The following EPHA6 variants were observed in gnomAD, a reference collection of about 807,000 sequenced individuals.
EPHA6 encodes the protein ephrin type-A receptor 6.
In EPHA6, 50 loss-of-function variants were observed where a neutral mutation model predicts 112.0. That is an observed-to-expected ratio of 0.45 (90% CI 0.36 to 0.56). The LOEUF is 0.56. Among genes scored for constraint, EPHA6 ranks in the 20% least tolerant of loss-of-function variants. EPHA6 has a pLI of 0.00. For synonymous variants in EPHA6, 529 were observed against 490.7 expected (o/e 1.08, Z -1.03); for missense variants, 1,280 against 1,417.4 (o/e 0.90, Z 1.56).
chr3:97,595,902 C>CT (rs1198606431), intron 12 of EPHA6, among the ~76,000 whole-genome samples: 2,139 of 115,056 alleles, frequency 0.019, 89 homozygotes, highest in African/African-American at 0.023. Flanking sequence ...GACATATTCT[C>CT]TTTTTTTTTT....
intron 3 of EPHA6, among the ~76,000 whole-genome samples, chr3:97,187,737 GA>G (rs1180267205): frequency 3.4e-4 from 50 of 147,608 alleles, no homozygotes; most frequent in African/African-American, 1.2e-3. Context: ...AAGAAAGAAA[GA>G]AAGAAAGAGG....
intron 3 of EPHA6, among the ~76,000 whole-genome samples, chr3:97,032,897 A>T (rs777941394): frequency 6.6e-6 from 1 of 151,918 alleles, no homozygotes; most frequent in East Asian, 1.9e-4. Context: ...AGTATATGTC[A>T]TAGTCTTGTT....
chr3:97,448,660 C>T lies in EPHA6; in HGVS notation c.1824C>T (p.His608=). 6.2e-7 allele frequency: 1 copy of T among 1,613,560 alleles called. No individual in the cohort carries two copies. The highest frequency in any genetic ancestry group is 8.5e-7 in the Non-Finnish European group (1 of 1,179,604). The change falls in exon 7 of 18, where the codon CAC becomes CAT. Residue 608 remains histidine, a synonymous_variant. Transcript: ENST00000389672. ...GLKPATKYVF[H]IRVRTATGYS... is the part of the protein sequence containing the mutation. ...AGCCAGCCACCAAATATGTATTTCA[C>T]ATCCGAGTGAGAACTGCGACAGGAT... is the stretch of plus-strand genomic sequence containing the variant.
chr3:97,228,085 C>T (rs952897524), intron 4 of EPHA6, among the ~76,000 whole-genome samples: 1 of 152,024 alleles, frequency 6.6e-6, no homozygotes, highest in Non-Finnish European at 1.5e-5. Context: ...TAGTCGGGAT[C>T]CCAGTTTTAA....
intron 1 of EPHA6, among the ~76,000 whole-genome samples, chr3:96,853,861 A>G (rs1376521551): frequency 2.6e-5 from 4 of 151,866 alleles, no homozygotes; most frequent in African/African-American, 7.3e-5. Context: ...TGATGTTACT[A>G]TTTATTGTTT....
intron 5 of EPHA6, among the ~76,000 whole-genome samples, chr3:97,368,844 TTGG>T (rs1052861648): frequency 1.1e-4 from 17 of 152,186 alleles, no homozygotes; most frequent in Admixed American, 9.8e-4. Context: ...TGCCCAAGTG[TTGG>T]AAACATAAGA....
intron 14 of EPHA6, among the ~76,000 whole-genome samples, chr3:97,642,691 C>G (rs977256445): frequency 2.0e-4 from 30 of 151,718 alleles, no homozygotes; most frequent in Admixed American, 3.3e-4. Flanking sequence ...AGGGTATCAG[C>G]AATGGAAGAT....
intron 3 of EPHA6, among the ~76,000 whole-genome samples, chr3:97,016,602 G>A (rs774977352): frequency 8.5e-5 from 13 of 152,140 alleles, no homozygotes; most frequent in Non-Finnish European, 1.8e-4. Flanking sequence ...TTTAAAGTGT[G>A]CAGTTTGGTA....
In EPHA6 at chr3:97,720,284, G is replaced by A. The variant is rs1215321701; in HGVS notation, c.2808G>A (p.Trp936Ter). 6.2e-7 allele frequency: 1 copy of A among 1,600,312 alleles called. No individual in the cohort carries two copies. Among genetic ancestry groups the A allele is most frequent in the East Asian group, 2.3e-5 (1 of 44,056 alleles). Residue 936 changes from tryptophan to a stop codon, truncating the protein, a stop_gained, in exon 15 of 18, where the codon TGG becomes TGA. Coordinates refer to ENST00000389672, the MANE Select transcript of EPHA6 (RefSeq NM_001080448.3). LOFTEE classifies it high-confidence loss of function. ...AGGGTGGAAAAATCCCCATAAGGTGGACAGCCCCAGAAGCCATCGCCTACA... is the reference window on the plus strand; with the variant it reads ...AGGGTGGAAAAATCCCCATAAGGTGAACAGCCCCAGAAGCCATCGCCTACA... ...TTTGGKIPIR[W>*]TAPEAIAYRK... is the part of the protein sequence containing the mutation.
chr3:97,643,116 A>AAG (rs1293253966), intron 14 of EPHA6, among the ~76,000 whole-genome samples: 1 of 152,164 alleles, frequency 6.6e-6, no homozygotes, highest in African/African-American at 2.4e-5. Flanking sequence ...TGCAAGCCAG[A>AAG]AGAGAGTGGG....
rs563422690 is a variant in EPHA6, at chr3:97,644,954, T to A, written c.2784+6872T>A. Among the ~76,000 whole-genome samples the A allele has an allele frequency of 7.9e-5, 12 of 151,934 alleles. No individual in the cohort carries two copies. The South Asian group carries it at 2.1e-3, about 26-fold the overall frequency. On this transcript the variant is annotated intron_variant, in intron 14 of 17. Transcript: ENST00000389672. ...TCATTTTATGAGGCCAGCATCATTC[T>A]GATACCAAAGCCGGGCAGAGACACA...
intron 1 of EPHA6, among the ~76,000 whole-genome samples, chr3:96,815,222 T>C (rs563913260): frequency 6.6e-6 from 1 of 152,238 alleles, no homozygotes; most frequent in South Asian, 2.1e-4. Flanking sequence ...TGTTTCTAAA[T>C]GTCTTTAAAC....
rs1691484385 is a variant in EPHA6 at position 97,142,200 on chromosome 3, A to G, written c.1115-84064A>G. Among the ~76,000 whole-genome samples the G allele has an allele frequency of 2.0e-5, 3 of 152,152 alleles. No homozygotes were observed. In the South Asian group the frequency reaches 6.2e-4, roughly 32 times the overall value. Reference sequence around the variant, plus strand: ...ATTTGTTGAATACAATTTTTCCAAAATAGACAATTCTGATAATTCAGATGA... The same window carrying G: ...ATTTGTTGAATACAATTTTTCCAAAGTAGACAATTCTGATAATTCAGATGA... On this transcript the variant is annotated intron_variant, in intron 3 of 17. Coordinates refer to ENST00000389672, the MANE Select transcript of EPHA6 (RefSeq NM_001080448.3).
intron 14 of EPHA6, among the ~76,000 whole-genome samples, chr3:97,661,898 A>G (rs1259081161): frequency 6.6e-6 from 1 of 152,144 alleles, no homozygotes; most frequent in Non-Finnish European, 1.5e-5. Flanking sequence ...GGCATATACA[A>G]AATCTGCACA....
At chr3:97,441,394 A>G in intron 6 of EPHA6, 1 of 918,602 alleles carries the variant, frequency 1.1e-6, no homozygotes, top group Non-Finnish European at 1.3e-6. Context: ...AATTCATTTC[A>G]CATTTTAAAA....
At chr3:97,727,451 G>T (rs1333059894) in intron 15 of EPHA6, among the ~76,000 whole-genome samples, 1 of 151,782 alleles carries the variant, frequency 6.6e-6, no homozygotes, top group African/African-American at 2.4e-5. Context: ...CTCAGTTATG[G>T]GTCAGTCTTT....
intron 15 of EPHA6, among the ~76,000 whole-genome samples, chr3:97,728,415 G>A (rs1417612218): frequency 6.6e-6 from 1 of 152,046 alleles, no homozygotes; most frequent in Non-Finnish European, 1.5e-5. Flanking sequence ...GGCATAGTAA[G>A]AAATACCATG....
At chr3:97,410,060 AT>A (rs1276329196) in intron 6 of EPHA6, among the ~76,000 whole-genome samples, 1 of 152,032 alleles carries the variant, frequency 6.6e-6, no homozygotes, top group Non-Finnish European at 1.5e-5. Context: ...TATGGGAAAT[AT>A]TTTTATCAAT....
intron 3 of EPHA6, among the ~76,000 whole-genome samples, chr3:97,016,940 A>G (rs1044791669): frequency 2.0e-5 from 3 of 152,216 alleles, no homozygotes; most frequent in Admixed American, 6.5e-5. Context: ...TTGTTTGGAT[A>G]TACCACTAGT....
Sources: allele counts gnomAD v4.1 joint callset (sites outside exome capture counted in the v4.1 genomes callset), GRCh38; gene constraint gnomAD v4.1.1; transcripts MANE v1.5; gene names NCBI Gene and HGNC (gene_info 2026-07-23, HGNC 2026-07-21).